Variants in DNAH8 observed in about 807,000 individuals in gnomAD.
DNAH8 encodes the protein dynein axonemal heavy chain 8.
Under a neutral mutation model 562.1 loss-of-function variants are expected in DNAH8, and 382 were observed. That is an observed-to-expected ratio of 0.68 (90% CI 0.63 to 0.74). DNAH8 has a LOEUF of 0.74. Among genes scored for constraint, DNAH8 ranks in the 30% least tolerant of loss-of-function variants. The pLI is 0.00. For missense variants in DNAH8, 5,203 were observed against 5,620.4 expected, an observed-to-expected ratio of 0.93 and a Z score of 2.37; for synonymous variants, 1,881 against 1,919.4, an observed-to-expected ratio of 0.98 and a Z score of 0.52.
At chr6:38,906,496 C>A in intron 63 of DNAH8, 89 bp downstream of exon 63, 2 of 1,060,854 alleles carry the variant, frequency 1.9e-6, no homozygotes, top group Non-Finnish European at 2.6e-6. Flanking sequence ...AAAAATGAGG[C>A]TATTTAGTAC....
At chr6:38,715,946 A>AT (rs1200800954) in intron 1 of DNAH8, among the ~76,000 whole-genome samples, 2 of 16,510 alleles carry the variant, frequency 1.2e-4, no homozygotes, top group African/African-American at 5.5e-4. Flanking sequence ...ATATATATAT[A>AT]TATATATATA....
chr6:38,722,180 T>C (rs905373270), intron 1 of DNAH8, among the ~76,000 whole-genome samples: 3 of 152,228 alleles, frequency 2.0e-5, no homozygotes, highest in African/African-American at 7.2e-5. Flanking sequence ...TCACAATCAC[T>C]TTTCAGTGTG....
intron 1 of DNAH8, among the ~76,000 whole-genome samples, chr6:38,721,370 G>T (rs913731649): frequency 6.6e-6 from 1 of 152,046 alleles, no homozygotes; most frequent in Non-Finnish European, 1.5e-5. Flanking sequence ...TAGCCAGGCT[G>T]GTGGCATGCA....
chr6:38,883,865 CT>C lies in DNAH8; in HGVS notation c.8137-9del. On this transcript the variant is annotated splice_polypyrimidine_tract_variant and intron_variant, in intron 55 of 92. Transcript: ENST00000327475. The stretch of plus-strand genomic sequence containing the variant: ...TCTAATGCATAAGACAAAACGTTTC[CT>C]TCTCTCTAGAGAACAATTGAAAGCT... 1 of 1,538,732 alleles carries C rather than the reference CT, an allele frequency of 6.5e-7. No homozygotes were observed. The highest frequency in any genetic ancestry group is 8.8e-7 in the Non-Finnish European group (1 of 1,141,858).
At position 38,722,853 on chromosome 6, in the gene DNAH8, A is replaced by G; in HGVS notation, c.44A>G (p.Glu15Gly). ...AEDGAPSEGA[E>G]APPSTEEAAP... ...GATGGCGCCCCTTCTGAGGGAGCAG[A>G]GGCTCCTCCCTCTACGGAAGAGGCT... Residue 15 changes from glutamate to glycine, a missense_variant, in exon 2 of 93, where the codon GAG becomes GGG. This residue lies in a region of DNAH8 where 556 missense variants were observed against 496.9 expected (regional missense o/e 1.12). Coordinates refer to ENST00000327475, the MANE Select transcript of DNAH8 (RefSeq NM_001206927.2). 1.9e-6 allele frequency: 3 copies of G among 1,609,264 alleles called. No individual in the cohort carries two copies. Among genetic ancestry groups the G allele is most frequent in the Non-Finnish European group, 2.5e-6 (3 of 1,177,924 alleles).
chr6:38,863,896 G>A lies in DNAH8; in HGVS notation c.6334G>A (p.Gly2112Ser), dbSNP rs146299075. 72 of 1,599,782 alleles carry A rather than the reference G, an allele frequency of 4.5e-5. No individual in the cohort carries two copies. Among genetic ancestry groups the A allele is most frequent in the Non-Finnish European group, 5.8e-5 (68 of 1,176,790 alleles). ...FKGLAQSGSWGCFDEFNRIEL... is the reference protein window; with the variant it reads ...FKGLAQSGSWSCFDEFNRIEL... ...AGGTCTTGCACAGTCGGGTTCCTGGGGCTGTTTTGATGAGTTTAACAGAAT... is the reference window on the plus strand; with the variant it reads ...AGGTCTTGCACAGTCGGGTTCCTGGAGCTGTTTTGATGAGTTTAACAGAAT... Residue 2112 changes from glycine to serine, a missense_variant, in exon 45 of 93, where the codon GGC (glycine) becomes AGC (serine). This residue lies in a region of DNAH8 where 2,176 missense variants were observed against 2,365.1 expected (regional missense o/e 0.92). Transcript: ENST00000327475.
chr6:38,853,100 C>A, intron 40 of DNAH8, 86 bp from the exon 41 acceptor site: 5 of 991,596 alleles, frequency 5.0e-6, no homozygotes, highest in Non-Finnish European at 7.6e-6. Flanking sequence ...TGGCATAGGG[C>A]ACTATGATTT....
chr6:38,998,270 A>T (rs755886230), intron 88 of DNAH8, among the ~76,000 whole-genome samples: 1 of 152,222 alleles, frequency 6.6e-6, no homozygotes, highest in Non-Finnish European at 1.5e-5. Flanking sequence ...GCTTTAAAAT[A>T]AGTAAAATCT....
chr6:39,012,463 C>G lies in DNAH8; in HGVS notation c.13540C>G (p.Leu4514Val). 6.2e-7 allele frequency: 1 copy of G among 1,613,728 alleles called. No individual in the cohort carries two copies. Among genetic ancestry groups the G allele is most frequent in the Non-Finnish European group, 8.5e-7 (1 of 1,179,686 alleles). ...IIMSENLRDA[L>V]DNMYDARIPQ... ...TCTTCTCCAGAATCTGAGAGATGCT[C>G]TGGACAACATGTATGATGCTCGTAT... Residue 4514 changes from leucine (L) to valine (V), a missense_variant, in exon 91 of 93, where the codon CTG becomes GTG. Transcript: ENST00000327475.
Position 38,826,193 on chromosome 6 carries a change from A to G in DNAH8, c.3885A>G (p.Ala1295=). 1 of 1,612,608 alleles carries G rather than the reference A, an allele frequency of 6.2e-7. No individual in the cohort carries two copies. The highest frequency in any genetic ancestry group is 8.5e-7 in the Non-Finnish European group (1 of 1,179,352). ...MKLALSIEAK[A]WKMLLCRYLN... ...TGGCCTTATCCATCGAGGCCAAGGC[A>G]TGGAAGATGTTACTCTGTCGATATC... The change falls in exon 29 of 93, where the codon GCA becomes GCG. Residue 1295 remains alanine (A), a synonymous_variant. Coordinates refer to ENST00000327475, the MANE Select transcript of DNAH8 (RefSeq NM_001206927.2).
At chr6:38,985,842 C>T (rs554465988) in intron 87 of DNAH8, among the ~76,000 whole-genome samples, 10 of 152,308 alleles carry the variant, frequency 6.6e-5, no homozygotes, top group African/African-American at 2.2e-4. Context: ...AAGCAGCTGC[C>T]TCCTGCTAGG....
intron 88 of DNAH8, among the ~76,000 whole-genome samples, chr6:39,005,636 T>C (rs777165772): frequency 6.6e-6 from 1 of 152,254 alleles, no homozygotes; most frequent in Non-Finnish European, 1.5e-5. Context: ...CCATCTGTAT[T>C]TCTTCTTTGA....
chr6:38,987,084 C>T (rs115623816), intron 87 of DNAH8, among the ~76,000 whole-genome samples: 2,160 of 152,228 alleles, frequency 0.014, 20 homozygotes, highest in Non-Finnish European at 0.021. Context: ...TGTACAGATC[C>T]GGAGGTCATG....
chr6:38,897,160 C>T (rs554945406), intron 60 of DNAH8, among the ~76,000 whole-genome samples: 10 of 152,062 alleles, frequency 6.6e-5, no homozygotes, highest in South Asian at 4.2e-4. Flanking sequence ...CCACCATGCC[C>T]GGCTGATTTT....
intron 89 of DNAH8, among the ~76,000 whole-genome samples, chr6:39,010,601 T>C (rs1766125052): frequency 1.3e-5 from 2 of 152,050 alleles, no homozygotes; most frequent in South Asian, 4.1e-4. Context: ...ACTGTTAATA[T>C]ACTAGAGATA....
At chr6:38,807,586 A>C in intron 23 of DNAH8, 24 bp from the exon 24 acceptor site, 1 of 1,348,438 alleles carries the variant, frequency 7.4e-7, no homozygotes, top group Non-Finnish European at 9.9e-7. Context: ...GAGATACCAA[A>C]TTTAATCTGA....
At chr6:38,779,034 C>T (rs1215738573) in intron 14 of DNAH8, among the ~76,000 whole-genome samples, 1 of 152,170 alleles carries the variant, frequency 6.6e-6, no homozygotes, top group Non-Finnish European at 1.5e-5. Context: ...CTGAAATCTT[C>T]TCTCCTTTAG....
chr6:38,960,578 T>A (rs773224098), intron 82 of DNAH8, among the ~76,000 whole-genome samples: 16 of 151,880 alleles, frequency 1.1e-4, no homozygotes, highest in Non-Finnish European at 2.4e-4. Context: ...TGAGATATCA[T>A]CTCACCCCAA....
intron 56 of DNAH8, among the ~76,000 whole-genome samples, chr6:38,884,800 C>A (rs1778793256): frequency 6.6e-6 from 1 of 152,170 alleles, no homozygotes; most frequent in African/African-American, 2.4e-5. Flanking sequence ...ATTTATTTAA[C>A]TGTGCCACAC....
Sources: gnomAD v4.1 joint callset for allele counts (sites outside exome capture counted in the v4.1 genomes callset) on GRCh38, gnomAD v4.1.1 for gene constraint, gnomAD v4.1.1 regional missense constraint, MANE v1.5 for transcripts, NCBI Gene and HGNC (gene_info 2026-07-23, HGNC 2026-07-21) for gene names.